COL28A1: variants seen among roughly 807,000 people sequenced by gnomAD.
COL28A1 encodes the protein collagen alpha-1(XXVIII) chain.
A neutral mutation model predicts 150.2 loss-of-function variants in COL28A1; 161 were observed. The ratio of observed to expected loss-of-function variants is 1.07; its 90% CI spans 0.94 to 1.22. COL28A1 has a LOEUF of 1.22. Among genes scored for constraint, COL28A1 ranks in the 50% most tolerant of loss-of-function variants. The pLI is 0.00. For synonymous variants in COL28A1, 552 were observed against 469.7 expected, an observed-to-expected ratio of 1.18 and a Z score of -2.26; for missense variants, 1,617 against 1,388.3, an observed-to-expected ratio of 1.16 and a Z score of -2.62.
chr7:7,351,848 A>G (rs1294616), downstream of COL28A1, among the ~76,000 whole-genome samples: 1 of 151,982 alleles, frequency 6.6e-6, no homozygotes, highest in Non-Finnish European at 1.5e-5. Context: ...CTGAATGGAC[A>G]CTCCTCTCAG....
chr7:7,488,213 T>A (rs1435123133), intron 13 of COL28A1, among the ~76,000 whole-genome samples: 1 of 152,214 alleles, frequency 6.6e-6, no homozygotes, highest in East Asian at 1.9e-4. Flanking sequence ...AATGGTACTA[T>A]CTATTTAGTG....
intron 13 of COL28A1, among the ~76,000 whole-genome samples, chr7:7,480,319 C>T (rs866982983): frequency 6.6e-6 from 1 of 152,188 alleles, no homozygotes; most frequent in Middle Eastern, 3.4e-3. Flanking sequence ...AAAAAGCTAA[C>T]ATCTTTTTCA....
At chr7:7,405,474 T>C (rs1272358137) in intron 27 of COL28A1, among the ~76,000 whole-genome samples, 1 of 152,220 alleles carries the variant, frequency 6.6e-6, no homozygotes, top group Non-Finnish European at 1.5e-5. Context: ...GGGGAACTTT[T>C]GGAAGACTAG....
chr7:7,521,831 G>A (rs964507194), intron 5 of COL28A1, 74 bp downstream of exon 5: 52 of 825,126 alleles, frequency 6.3e-5, no homozygotes, highest in Middle Eastern at 2.2e-4. Flanking sequence ...AAATAGCCCC[G>A]ATGTTTTCAA....
At chr7:7,355,854 A>G (rs1194246792), downstream of COL28A1, among the ~76,000 whole-genome samples, 1 of 152,148 alleles carries the variant, frequency 6.6e-6, no homozygotes, top group Non-Finnish European at 1.5e-5. Flanking sequence ...CCAGAAAAAC[A>G]CTGATGTGTG....
intron 26 of COL28A1, among the ~76,000 whole-genome samples, chr7:7,418,904 G>A (rs75158976): frequency 0.012 from 1,765 of 152,280 alleles, 45 homozygotes; most frequent in African/African-American, 0.041. Context: ...AAATTGAGTT[G>A]AGGGACAAAA....
intron 15 of COL28A1, among the ~76,000 whole-genome samples, chr7:7,461,073 A>G (rs146581440): frequency 1.9e-4 from 29 of 152,350 alleles, no homozygotes; most frequent in African/African-American, 6.7e-4. Context: ...GAGACATCCC[A>G]AATATTGTGA....
intron 27 of COL28A1, among the ~76,000 whole-genome samples, chr7:7,383,697 T>TAATCTC (rs1562513885): frequency 6.2e-5 from 9 of 144,828 alleles, no homozygotes; most frequent in Non-Finnish European, 1.4e-4. Flanking sequence ...TATATATATA[T>TAATCTC]ATATATGTAT....
intron 13 of COL28A1, among the ~76,000 whole-genome samples, chr7:7,485,297 C>T (rs751435887): frequency 6.6e-6 from 1 of 151,944 alleles, no homozygotes; most frequent in Non-Finnish European, 1.5e-5. Context: ...ATATTTTGCC[C>T]AATTTCTAAT....
intron 25 of COL28A1, among the ~76,000 whole-genome samples, chr7:7,428,381 A>AC (rs1406337392): frequency 6.6e-6 from 1 of 152,152 alleles, no homozygotes; most frequent in African/African-American, 2.4e-5. Flanking sequence ...GGTAGGCTGT[A>AC]CCTGCCCTTA....
At chr7:7,493,553 A>G (rs1780040279) in intron 11 of COL28A1, among the ~76,000 whole-genome samples, 1 of 152,134 alleles carries the variant, frequency 6.6e-6, no homozygotes, top group African/African-American at 2.4e-5. Context: ...ACAGCCCCTT[A>G]GCAATGTAGC....
chr7:7,412,344 C>T (rs760607243), intron 27 of COL28A1, among the ~76,000 whole-genome samples: 12 of 152,018 alleles, frequency 7.9e-5, no homozygotes, highest in East Asian at 1.9e-4. Flanking sequence ...ACACATTGGA[C>T]GGTTATGTGA....
downstream of COL28A1, among the ~76,000 whole-genome samples, chr7:7,351,404 T>C (rs111404919): frequency 0.014 from 2,137 of 152,232 alleles, 65 homozygotes; most frequent in African/African-American, 0.049. Context: ...CAGAAGGCAG[T>C]GTTGTCTAAG....
chr7:7,492,546 C>T (rs1306426789), intron 11 of COL28A1, among the ~76,000 whole-genome samples: 3 of 147,582 alleles, frequency 2.0e-5, no homozygotes, highest in Non-Finnish European at 4.5e-5. Context: ...GGTCACGCCA[C>T]CACACTCCAG....
At chr7:7,461,102 T>C (rs1787583185) in intron 15 of COL28A1, among the ~76,000 whole-genome samples, 1 of 152,004 alleles carries the variant, frequency 6.6e-6, no homozygotes, top group South Asian at 2.1e-4. Flanking sequence ...ACTATAGAAA[T>C]GGGAAAGGGA....
the COL28A1 span, among the ~76,000 whole-genome samples, chr7:7,345,961 C>T: frequency 1.3e-5 from 2 of 152,070 alleles, no homozygotes; most frequent in East Asian, 3.9e-4. Flanking sequence ...TCATCATCCA[C>T]AAGCTCCTTG....
the COL28A1 span, among the ~76,000 whole-genome samples, chr7:7,543,716 T>A: frequency 6.6e-6 from 1 of 151,992 alleles, no homozygotes; most frequent in African/African-American, 2.4e-5. Context: ...TAGGAAGTAA[T>A]GAGTTTTGAG....
chr7:7,518,610 C>G (rs1480948606), intron 6 of COL28A1, among the ~76,000 whole-genome samples: 3 of 151,926 alleles, frequency 2.0e-5, no homozygotes, highest in Non-Finnish European at 4.4e-5. Flanking sequence ...CTAATTTTTC[C>G]CAAACTATTT....
intron 15 of COL28A1, among the ~76,000 whole-genome samples, chr7:7,461,936 C>T (rs1787666183): frequency 6.6e-6 from 1 of 152,134 alleles, no homozygotes; most frequent in Admixed American, 6.5e-5. Flanking sequence ...GGCCAACCGG[C>T]ACAAAAATAC....
Sources: gnomAD v4.1 joint callset for allele counts (sites outside exome capture counted in the v4.1 genomes callset) on GRCh38, gnomAD v4.1.1 for gene constraint, MANE v1.5 for transcripts, NCBI Gene and HGNC (gene_info 2026-07-23, HGNC 2026-07-21) for gene names.